The following ABCA4 variants were observed in gnomAD, a reference collection of about 807,000 sequenced individuals.
ABCA4 encodes the protein retinal-specific phospholipid-transporting ATPase ABCA4.
Under a neutral mutation model 263.7 loss-of-function variants are expected in ABCA4, and 196 were observed. The observed-to-expected ratio is 0.74, with a 90% CI of 0.66 to 0.84. The LOEUF is 0.84. ABCA4 is among the 40% of genes least tolerant of loss of function. ABCA4 has a pLI of 0.00. For missense variants in ABCA4, 2,792 were observed against 2,855.1 expected, an observed-to-expected ratio of 0.98 and a Z score of 0.50; for synonymous variants, 1,133 against 1,094.2, an observed-to-expected ratio of 1.04 and a Z score of -0.70.
chr1:94,118,462 G>A (rs1662860349), intron 1 of ABCA4, among the ~76,000 whole-genome samples: 1 of 152,078 alleles, frequency 6.6e-6, no homozygotes, highest in Non-Finnish European at 1.5e-5. Context: ...TTTCTTAGAG[G>A]GACCATCTTC....
intron 36 of ABCA4, 177 bp downstream of exon 36, chr1:94,019,405 T>G: frequency 1.4e-6 from 1 of 709,126 alleles, no homozygotes; most frequent in Non-Finnish European, 2.3e-6. Context: ...CTCCTAGTTC[T>G]GTGCCTTTCT....
chr1:94,108,467 T>G (rs967501689), intron 4 of ABCA4, 110 bp downstream of exon 4: 28 of 1,518,158 alleles, frequency 1.8e-5, no homozygotes, highest in Non-Finnish European at 2.4e-5. Context: ...CCCCATCCCT[T>G]CCTGCCTCCG....
chr1:94,101,494 C>G (rs1037286529), intron 5 of ABCA4, among the ~76,000 whole-genome samples: 10 of 152,216 alleles, frequency 6.6e-5, no homozygotes, highest in African/African-American at 2.4e-4. Flanking sequence ...GCCAGAAAAG[C>G]AGGTATGAGC....
intron 44 of ABCA4, among the ~76,000 whole-genome samples, chr1:94,004,436 A>G (rs1659312389): frequency 6.6e-6 from 1 of 152,140 alleles, no homozygotes; most frequent in Admixed American, 6.6e-5. Context: ...TGCCTATACC[A>G]CTATAAAAAA....
At position 94,037,162 on chromosome 1, in the gene ABCA4, C is replaced by G; in HGVS notation, c.3796G>C (p.Asp1266His). ...DLGLSSFGIS[D>H]TPLEEIFLKV... ...TACTTTACCTCTTCCAGGGGAGTGT[C>G]AGAAATTCCAAAACTGCTGAGACCA... Residue 1266 changes from aspartate (D) to histidine (H), a missense_variant, in exon 25 of 50, where the codon GAC becomes CAC. Asp to His is a moderately conservative substitution (Grantham distance 81). Transcript: ENST00000370225. The G allele has an allele frequency of 6.2e-7, 1 of 1,614,174 alleles. No individual in the cohort carries two copies. The highest frequency in any genetic ancestry group is 8.5e-7 in the Non-Finnish European group (1 of 1,180,036).
intron 23 of ABCA4, 83 bp from the exon 24 acceptor site, chr1:94,040,210 C>T (rs528759752): frequency 2.7e-6 from 3 of 1,127,806 alleles, no homozygotes; most frequent in African/African-American, 1.5e-5. Context: ...CTGTCACCGC[C>T]CGCTTTATTT....
intron 6 of ABCA4, among the ~76,000 whole-genome samples, chr1:94,084,041 A>C (rs1035989343): frequency 2.0e-5 from 3 of 152,214 alleles, no homozygotes; most frequent in African/African-American, 7.2e-5. Flanking sequence ...AGGAAACCCC[A>C]GCCCATGTGA....
chr1:94,011,739 C>T (rs61782236), intron 38 of ABCA4, among the ~76,000 whole-genome samples: 35,492 of 152,100 alleles, frequency 0.23, 4,268 homozygotes, highest in Non-Finnish European at 0.25. Flanking sequence ...ATGTGGGCAC[C>T]GAGGCTAACT....
intron 14 of ABCA4, among the ~76,000 whole-genome samples, chr1:94,057,480 G>A (rs2101070759): frequency 1.3e-5 from 2 of 152,238 alleles, no homozygotes; most frequent in Middle Eastern, 6.8e-3. Flanking sequence ...GAGATGGGAG[G>A]GAACTCCAGA....
rs920723783 is a variant in ABCA4 at position 94,078,642 on chromosome 1, C to A, written c.1304G>T (p.Gly435Val). The A allele has an allele frequency of 6.6e-7, 1 of 1,524,554 alleles. No homozygotes were observed. The highest frequency in any genetic ancestry group is 8.9e-7 in the Non-Finnish European group (1 of 1,125,414). 94.4% of individuals were successfully genotyped at this position (1,524,554 alleles called of 1,614,324 possible). Residue 435 changes from glycine to valine, a missense_variant, in exon 10 of 50, where the codon GGG (glycine) becomes GTG (valine). Gly to Val is a moderately radical substitution (Grantham distance 109). Coordinates refer to ENST00000370225, the MANE Select transcript of ABCA4 (RefSeq NM_000350.3). ...GTCAAAGAAGTACCAGATCTGGGGC[C>A]CTACTTCTTCCCAGGCTTTGACCAA... is the stretch of plus-strand genomic sequence containing the variant. ...RKLVKAWEEV[G>V]PQIWYFFDNS...
intron 3 of ABCA4, among the ~76,000 whole-genome samples, chr1:94,109,774 A>G (rs1662551381): frequency 6.6e-6 from 1 of 152,216 alleles, no homozygotes; most frequent in Admixed American, 6.5e-5. Context: ...AATGTCTAGT[A>G]TCCAAATCAT....
chr1:94,062,776 A>C (rs1661167203), intron 12 of ABCA4, 23 bp from the exon 13 acceptor site: 9 of 1,612,176 alleles, frequency 5.6e-6, no homozygotes, highest in Non-Finnish European at 7.6e-6. Context: ...AGAGGGACAA[A>C]GGATGGGAAC....
chr1:94,056,481 T>G, intron 15 of ABCA4, 120 bp downstream of exon 15: 7 of 1,148,984 alleles, frequency 6.1e-6, no homozygotes, highest in Non-Finnish European at 8.9e-6. Context: ...CACGTGAACT[T>G]TTTAACCTTA....
In ABCA4 at chr1:94,113,077, A is replaced by C. The variant is rs1662657188; in HGVS notation, c.67-11T>G. Reference sequence around the variant, plus strand: ...CACCACAAAGCGAATCTGGAAAAACAAAACAAAAAGAGAGAAAGTTCAGTG... The same window carrying C: ...CACCACAAAGCGAATCTGGAAAAACCAAACAAAAAGAGAGAAAGTTCAGTG... On this transcript the variant is annotated splice_polypyrimidine_tract_variant and intron_variant, in intron 1 of 49. Coordinates refer to ENST00000370225, the MANE Select transcript of ABCA4 (RefSeq NM_000350.3). 6.2e-7 allele frequency: 1 copy of C among 1,613,250 alleles called. No individual in the cohort carries two copies.
chr1:94,063,377 T>TAC, intron 11 of ABCA4, 60 bp from the exon 12 acceptor site: 9 of 1,506,046 alleles, frequency 6.0e-6, no homozygotes, highest in Non-Finnish European at 8.3e-6. Context: ...GACTCAACTC[T>TAC]ACACACAGAA....
At chr1:93,994,678 G>C (rs2100983979) in intron 49 of ABCA4, among the ~76,000 whole-genome samples, 1 of 152,314 alleles carries the variant, frequency 6.6e-6, no homozygotes. Context: ...TTAGGTTTTG[G>C]ATGAAAATTA....
At chr1:94,084,390 C>T (rs1399687457) in intron 6 of ABCA4, among the ~76,000 whole-genome samples, 1 of 152,186 alleles carries the variant, frequency 6.6e-6, no homozygotes, top group Non-Finnish European at 1.5e-5. Context: ...TTTTTATTTG[C>T]CAGCACAGTT....
chr1:94,001,248 TA>T, intron 45 of ABCA4, 143 bp from the exon 46 acceptor site: 1 of 677,402 alleles, frequency 1.5e-6, no homozygotes. Context: ...AAGACAGGGG[TA>T]CCCTGGTGTA....
chr1:94,098,424 G>A (rs868732097), intron 6 of ABCA4, among the ~76,000 whole-genome samples: 29 of 152,172 alleles, frequency 1.9e-4, no homozygotes, highest in African/African-American at 6.5e-4. Context: ...ATGAGTACTG[G>A]GACCAGAAAA....
Sources: allele counts gnomAD v4.1 joint callset (sites outside exome capture counted in the v4.1 genomes callset), GRCh38; gene constraint gnomAD v4.1.1; transcripts MANE v1.5; gene names NCBI Gene and HGNC (gene_info 2026-07-23, HGNC 2026-07-21).